Variants in RPH3A observed in about 807,000 individuals in gnomAD.
RPH3A encodes rabphilin-3A.
Under a neutral mutation model 102.2 loss-of-function variants are expected in RPH3A, and 48 were observed. The ratio of observed to expected loss-of-function variants is 0.47; its 90% CI spans 0.37 to 0.60. RPH3A has a LOEUF of 0.60. RPH3A is among the 20% of genes least tolerant of loss of function. The pLI, the probability that RPH3A is intolerant of heterozygous loss-of-function variation, is 0.00. For missense variants in RPH3A, 781 were observed against 910.1 expected (o/e 0.86, Z 1.83); for synonymous variants, 310 against 324.3 (o/e 0.96, Z 0.47).
rs1769146854 is a variant in RPH3A at position 112,869,785 on chromosome 12, G to T, written c.637G>T (p.Gly213Cys). 6.2e-7 allele frequency: 1 copy of T among 1,613,998 alleles called. No individual in the cohort carries two copies. The highest frequency in any genetic ancestry group is 1.1e-5 in the South Asian group (1 of 91,072). ...TGACAGTGAAGATAGGAGGGGCCCG[G>T]GTCAGAAGACAGGTGGGTTCTGCTG... ...RGDSEDRRGPGQKTGPDPASA... is the reference protein window; with the variant it reads ...RGDSEDRRGPCQKTGPDPASA... Residue 213 changes from glycine to cysteine, a missense_variant, in exon 9 of 22, where the codon GGT becomes TGT. Gly to Cys is a radical substitution (Grantham distance 159, BLOSUM62 -3). This residue lies in a region of RPH3A where 730 missense variants were observed against 810.0 expected (regional missense o/e 0.90). Coordinates refer to ENST00000389385, the MANE Select transcript of RPH3A (RefSeq NM_001143854.2).
rs144742680 is a variant in RPH3A at position 112,873,595 on chromosome 12, C to T, written c.797-1489C>T. On this transcript the variant is annotated intron_variant, in intron 10 of 21. Coordinates refer to ENST00000389385, the MANE Select transcript of RPH3A (RefSeq NM_001143854.2). ...AGCGGCTTATTCTATTGTTGATGGG[C>T]TTCAGGTGTGATTTACACATTCAAC... is the stretch of plus-strand genomic sequence containing the variant. Among the ~76,000 whole-genome samples the T allele has an allele frequency of 4.6e-5, 7 of 152,314 alleles. No individual in the cohort carries two copies. In the East Asian group the frequency reaches 1.4e-3, roughly 29 times the overall value.
intron 1 of RPH3A, among the ~76,000 whole-genome samples, chr12:112,677,372 TC>T (rs2040184477): frequency 6.0e-5 from 1 of 16,608 alleles, no homozygotes; most frequent in Non-Finnish European, 1.2e-4. Context: ...CCTCCCTCCT[TC>T]CCTTCCTCCC....
chr12:112,831,156 G>C (rs1055317204), intron 3 of RPH3A, among the ~76,000 whole-genome samples: 2 of 150,212 alleles, frequency 1.3e-5, no homozygotes, highest in South Asian at 2.1e-4. Flanking sequence ...TGGCCTGTAG[G>C]CTATAGTTTG....
At chr12:112,645,955 G>A (rs192802281) in intron 1 of RPH3A, among the ~76,000 whole-genome samples, 9 of 152,174 alleles carry the variant, frequency 5.9e-5, no homozygotes, top group East Asian at 3.9e-4. Flanking sequence ...CACTCTGGTC[G>A]ATTTTCATAT....
chr12:112,802,469 C>T (rs893310594), intron 2 of RPH3A, among the ~76,000 whole-genome samples: 8 of 152,070 alleles, frequency 5.3e-5, no homozygotes, highest in East Asian at 1.9e-4. Flanking sequence ...TTTAAACAGT[C>T]CCCTGGGTGG....
chr12:112,775,228 A>C (rs1200545268), intron 1 of RPH3A, among the ~76,000 whole-genome samples: 1 of 152,224 alleles, frequency 6.6e-6, no homozygotes, highest in African/African-American at 2.4e-5. Context: ...AAAACAAAAA[A>C]TCAAAAAAAA....
intron 1 of RPH3A, among the ~76,000 whole-genome samples, chr12:112,614,688 CAAAAAA>C (rs35810360): frequency 2.6e-4 from 7 of 27,138 alleles, no homozygotes; most frequent in East Asian, 1.6e-3. Flanking sequence ...GACCCTGCCT[CAAAAAA>C]AAAAAAAAAA....
intron 1 of RPH3A, among the ~76,000 whole-genome samples, chr12:112,708,648 C>T (rs1194936815): frequency 6.6e-6 from 1 of 152,134 alleles, no homozygotes. Flanking sequence ...GTTGCTACCT[C>T]TGTACTCTGG....
chr12:112,597,589 A>G (rs1407711383), intron 1 of RPH3A, among the ~76,000 whole-genome samples: 1 of 152,182 alleles, frequency 6.6e-6, no homozygotes, highest in Non-Finnish European at 1.5e-5. Context: ...GTTTCAAAAA[A>G]ACAAACAAAA....
Position 112,741,877 on chromosome 12 carries a change from G to A in RPH3A, c.-139-50266G>A, listed in dbSNP as rs572190969. 1.7e-3 allele frequency among the ~76,000 whole-genome samples: 262 copies of A among 152,234 alleles called. 1 individual carries two copies. Among genetic ancestry groups the A allele is most frequent in the African/African-American group, 5.9e-3 (245 of 41,534 alleles). On this transcript the variant is annotated intron_variant, in intron 1 of 21. Transcript: ENST00000543106. ...CATAAGATATCATCTGATGGGGTTA[G>A]CGATTGTGCCTCTATAATCTATAAC...
At chr12:112,875,300 T>G in intron 11 of RPH3A, 130 bp downstream of exon 11, 1 of 706,356 alleles carries the variant, frequency 1.4e-6, no homozygotes, top group Non-Finnish European at 2.3e-6. Context: ...TCTTAACCTC[T>G]TCTAAGACCC....
At chr12:112,717,865 G>C (rs1223990565) in intron 1 of RPH3A, 1 of 151,992 alleles carries the variant, frequency 6.6e-6, no homozygotes. Flanking sequence ...AATAGATGAG[G>C]GTTCTAGATG....
At chr12:112,628,833 CG>C (rs1280681042) in intron 1 of RPH3A, among the ~76,000 whole-genome samples, 1 of 151,990 alleles carries the variant, frequency 6.6e-6, no homozygotes, top group Non-Finnish European at 1.5e-5. Flanking sequence ...ATGGGATTCT[CG>C]TGTCTGCTGT....
At chr12:112,706,010 A>G (rs1045787238) in intron 1 of RPH3A, among the ~76,000 whole-genome samples, 11 of 152,190 alleles carry the variant, frequency 7.2e-5, no homozygotes, top group African/African-American at 9.7e-5. Flanking sequence ...GTTGGGAGAA[A>G]CAGACCCAAA....
chr12:112,837,397 G>T (rs889296013), intron 4 of RPH3A, among the ~76,000 whole-genome samples: 9 of 152,090 alleles, frequency 5.9e-5, no homozygotes, highest in Admixed American at 5.9e-4. Context: ...TTACCCTTAT[G>T]TTTATATAGG....
At chr12:112,751,199 C>T (rs141496587) in intron 1 of RPH3A, among the ~76,000 whole-genome samples, 10 of 152,332 alleles carry the variant, frequency 6.6e-5, no homozygotes, top group Non-Finnish European at 1.0e-4. Context: ...CACACATGCT[C>T]AGCTTGGGCG....
intron 1 of RPH3A, among the ~76,000 whole-genome samples, chr12:112,640,211 G>A (rs1409468662): frequency 6.6e-6 from 1 of 151,100 alleles, no homozygotes; most frequent in Non-Finnish European, 1.5e-5. Flanking sequence ...TGTAATCCCA[G>A]CTACTCTGGA....
At chr12:112,636,101 C>T (rs1024478953) in intron 1 of RPH3A, among the ~76,000 whole-genome samples, 3 of 152,188 alleles carry the variant, frequency 2.0e-5, no homozygotes, top group African/African-American at 7.2e-5. Context: ...AGTAGAGTGA[C>T]TCTACAATGG....
intron 1 of RPH3A, among the ~76,000 whole-genome samples, chr12:112,771,635 CA>C (rs1022531029): frequency 6.6e-6 from 1 of 152,152 alleles, no homozygotes; most frequent in African/African-American, 2.4e-5. Context: ...TAAGTACTGC[CA>C]AATAGCCTAT....
Sources: gnomAD v4.1 joint callset for allele counts (sites outside exome capture counted in the v4.1 genomes callset) on GRCh38, gnomAD v4.1.1 for gene constraint, gnomAD v4.1.1 regional missense constraint, MANE v1.5 for transcripts, NCBI Gene and HGNC (gene_info 2026-07-23, HGNC 2026-07-21) for gene names.